The following PTPRM variants were observed in gnomAD, a reference collection of about 807,000 sequenced individuals.
The protein encoded by PTPRM is protein tyrosine phosphatase receptor type M, also known as receptor-type tyrosine-protein phosphatase mu.
A neutral mutation model predicts 186.7 loss-of-function variants in PTPRM; 47 were observed. The ratio of observed to expected loss-of-function variants is 0.25; its 90% CI spans 0.20 to 0.32. The LOEUF is 0.32. PTPRM is among the 10% of genes least tolerant of loss of function. The probability of loss-of-function intolerance (pLI) is 1.00; values close to 1 mark genes in which losing one functional copy is unlikely to be tolerated. For synonymous variants in PTPRM, 668 were observed against 674.9 expected (o/e 0.99, Z 0.16); for missense variants, 1,494 against 1,865.0 (o/e 0.80, Z 3.66).
chr18:8,215,541 T>G (rs1027504679), intron 14 of PTPRM, among the ~76,000 whole-genome samples: 1 of 131,096 alleles, frequency 7.6e-6, no homozygotes, highest in African/African-American at 2.8e-5. Context: ...TCTTTCTTTC[T>G]TTTCTTTTTT....
At chr18:7,823,851 G>A (rs866152618) in intron 2 of PTPRM, among the ~76,000 whole-genome samples, 3 of 152,066 alleles carry the variant, frequency 2.0e-5, no homozygotes, top group Middle Eastern at 3.2e-3. Flanking sequence ...CCTTGTGATC[G>A]TGTGAGTCAG....
intron 1 of PTPRM, among the ~76,000 whole-genome samples, chr18:7,601,245 C>T (rs958109644): frequency 6.6e-6 from 1 of 152,230 alleles, no homozygotes; most frequent in Admixed American, 6.5e-5. Context: ...TTCAGTTAGG[C>T]TTTCCTCCCC....
chr18:7,635,089 A>G (rs933483235), intron 1 of PTPRM, among the ~76,000 whole-genome samples: 16 of 152,240 alleles, frequency 1.1e-4, no homozygotes, highest in African/African-American at 3.9e-4. Context: ...TTACTTAGAG[A>G]TCAGTAGCTA....
In PTPRM at chr18:8,378,258, T is replaced by C; in HGVS notation, c.3463-7T>C. ...AAGTTAGTAACTCGTTCCATCTCCT[T>C]CTCCAGGAGCAGTATGTGTTTATCC... On this transcript the variant is annotated splice_region_variant and splice_polypyrimidine_tract_variant and intron_variant, in intron 26 of 32. Transcript: ENST00000580170. The C allele has an allele frequency of 3.1e-6, 5 of 1,606,664 alleles. No individual in the cohort carries two copies. The highest frequency in any genetic ancestry group is 1.1e-5 in the South Asian group (1 of 90,438).
At chr18:8,027,865 G>A (rs1474292390) in intron 7 of PTPRM, among the ~76,000 whole-genome samples, 1 of 152,090 alleles carries the variant, frequency 6.6e-6, no homozygotes, top group Non-Finnish European at 1.5e-5. Context: ...ATCTGTTAGC[G>A]ATTTCTTCCA....
intron 31 of PTPRM, among the ~76,000 whole-genome samples, chr18:8,393,945 C>A (rs984284468): frequency 4.6e-5 from 7 of 151,712 alleles, no homozygotes; most frequent in Non-Finnish European, 7.4e-5. Flanking sequence ...CCCGCCACCA[C>A]GCCCGGCTAA....
chr18:8,104,293 A>G (rs1404823634), intron 11 of PTPRM, among the ~76,000 whole-genome samples: 1 of 152,204 alleles, frequency 6.6e-6, no homozygotes, highest in Non-Finnish European at 1.5e-5. Context: ...TTATTAAGAA[A>G]ATACGTTACA....
chr18:7,647,376 G>A (rs1801071021), intron 1 of PTPRM, among the ~76,000 whole-genome samples: 1 of 152,074 alleles, frequency 6.6e-6, no homozygotes, highest in Non-Finnish European at 1.5e-5. Context: ...ATATTTCTGG[G>A]CTTCTCCCTT....
At chr18:8,188,790 A>G (rs1046769860) in intron 14 of PTPRM, among the ~76,000 whole-genome samples, 7 of 152,134 alleles carry the variant, frequency 4.6e-5, no homozygotes, top group African/African-American at 1.7e-4. Context: ...TGGGGGAGTT[A>G]TGTTTAATAC....
chr18:8,214,718 C>T (rs2094055791), intron 14 of PTPRM, among the ~76,000 whole-genome samples: 1 of 152,156 alleles, frequency 6.6e-6, no homozygotes, highest in East Asian at 1.9e-4. Flanking sequence ...GGCTGGAGTG[C>T]AATGGCGCAA....
At chr18:8,032,526 G>A (rs2086048260) in intron 7 of PTPRM, among the ~76,000 whole-genome samples, 1 of 152,048 alleles carries the variant, frequency 6.6e-6, no homozygotes, top group Non-Finnish European at 1.5e-5. Flanking sequence ...TTTTAGAGAT[G>A]TCAGTTCTCC....
intron 1 of PTPRM, among the ~76,000 whole-genome samples, chr18:7,629,302 G>A (rs993682789): frequency 1.3e-5 from 2 of 152,200 alleles, no homozygotes; most frequent in African/African-American, 2.4e-5. Context: ...ATTTAGCCTC[G>A]TGGATGTGGT....
chr18:7,964,790 G>T (rs1295481882), intron 7 of PTPRM, among the ~76,000 whole-genome samples: 2 of 152,238 alleles, frequency 1.3e-5, no homozygotes, highest in East Asian at 3.9e-4. Context: ...ATGATCACAT[G>T]TTCACTGGAA....
intron 14 of PTPRM, among the ~76,000 whole-genome samples, chr18:8,173,185 A>G (rs1027268057): frequency 6.6e-6 from 1 of 152,164 alleles, no homozygotes; most frequent in South Asian, 2.1e-4. Context: ...ATAAAACACC[A>G]TAGGATGTGT....
intron 2 of PTPRM, among the ~76,000 whole-genome samples, chr18:7,851,541 G>C: frequency 6.6e-6 from 1 of 152,058 alleles, no homozygotes; most frequent in East Asian, 1.9e-4. Context: ...ACAGTGGATT[G>C]ACATCTGCAA....
intron 1 of PTPRM, among the ~76,000 whole-genome samples, chr18:7,585,385 CAG>C (rs1290591754): frequency 6.6e-6 from 1 of 152,110 alleles, no homozygotes; most frequent in Non-Finnish European, 1.5e-5. Context: ...TTGGAAATTG[CAG>C]AGAGGAACGA....
intron 22 of PTPRM, among the ~76,000 whole-genome samples, chr18:8,336,026 A>AAAAT (rs10565797): frequency 0.029 from 4,374 of 150,678 alleles, 205 homozygotes; most frequent in African/African-American, 0.095. Flanking sequence ...TGTCTCATAA[A>AAAAT]AAATAAATAA....
intron 1 of PTPRM, among the ~76,000 whole-genome samples, chr18:7,753,520 C>T (rs2041324793): frequency 6.6e-6 from 1 of 152,034 alleles, no homozygotes; most frequent in Admixed American, 6.6e-5. Flanking sequence ...GCTAAATGAG[C>T]ACAGTACATC....
intron 23 of PTPRM, among the ~76,000 whole-genome samples, chr18:8,367,993 C>T (rs760709345): frequency 1.3e-5 from 2 of 151,764 alleles, no homozygotes; most frequent in Admixed American, 6.6e-5. Flanking sequence ...ACATACGTTG[C>T]GGGTGTGTGT....
Sources: gnomAD v4.1 joint callset for allele counts (sites outside exome capture counted in the v4.1 genomes callset) on GRCh38, gnomAD v4.1.1 for gene constraint, MANE v1.5 for transcripts, NCBI Gene and HGNC (gene_info 2026-07-23, HGNC 2026-07-21) for gene names.